RYR2: variants seen among roughly 807,000 people sequenced by gnomAD.
RYR2 encodes the protein ryanodine receptor 2.
RYR2 carries 227 observed loss-of-function variants against 601.1 expected under a neutral mutation model. The ratio of observed to expected loss-of-function variants is 0.38; its 90% CI spans 0.34 to 0.42. RYR2 has a LOEUF of 0.42. Among genes scored for constraint, RYR2 ranks in the 10% least tolerant of loss-of-function variants. The pLI is 1.00. For missense variants in RYR2, 4,646 were observed against 6,156.5 expected, an observed-to-expected ratio of 0.75 and a Z score of 8.21; for synonymous variants, 2,223 against 2,175.1, an observed-to-expected ratio of 1.02 and a Z score of -0.61.
rs771865164 is a variant in RYR2 at position 237,524,336 on chromosome 1, A to G, written c.2823-6091A>G. On this transcript the variant is annotated intron_variant, in intron 24 of 104. Coordinates refer to ENST00000366574, the MANE Select transcript of RYR2 (RefSeq NM_001035.3). The stretch of plus-strand genomic sequence containing the variant: ...CTCCATATTGTGTAATTCTATTCCT[A>G]TGAAATGCCCAAAACAGGCATATTG... Among the ~76,000 whole-genome samples the G allele has an allele frequency of 7.9e-5, 12 of 152,226 alleles. 1 individual carries two copies. The highest frequency in any genetic ancestry group is 1.5e-4 in the Non-Finnish European group (10 of 68,042).
intron 10 of RYR2, among the ~76,000 whole-genome samples, chr1:237,401,155 G>T (rs1310024847): frequency 6.6e-6 from 1 of 152,128 alleles, no homozygotes; most frequent in Non-Finnish European, 1.5e-5. Context: ...CCTTTAGGGA[G>T]AAAATTACAT....
chr1:237,788,891 T>A (rs1657986750), intron 92 of RYR2, among the ~76,000 whole-genome samples: 1 of 152,086 alleles, frequency 6.6e-6, no homozygotes, highest in African/African-American at 2.4e-5. Context: ...GCATGTGTAA[T>A]GTCACATGTA....
chr1:237,600,244 A>G (rs1482312197), intron 34 of RYR2, among the ~76,000 whole-genome samples: 1 of 152,174 alleles, frequency 6.6e-6, no homozygotes, highest in Non-Finnish European at 1.5e-5. Flanking sequence ...TATGGTAACC[A>G]AAACAGACAT....
chr1:237,169,652 A>G (rs1340218271), intron 1 of RYR2, among the ~76,000 whole-genome samples: 1 of 152,174 alleles, frequency 6.6e-6, no homozygotes, highest in Admixed American at 6.5e-5. Context: ...TAAAATAAAT[A>G]CGGCTGAAAT....
chr1:237,779,485 T>C (rs1694927141), intron 88 of RYR2, among the ~76,000 whole-genome samples: 1 of 152,156 alleles, frequency 6.6e-6, no homozygotes, highest in African/African-American at 2.4e-5. Flanking sequence ...GGCGGTCAGG[T>C]AGAAGAATGT....
At position 237,258,745 on chromosome 1, in the gene RYR2, A is replaced by C. The variant is rs57225074; in HGVS notation, c.49-11752A>C. The stretch of plus-strand genomic sequence containing the variant: ...TGAGGACAGCCCTGAGTGAGACTGA[A>C]TCAGTTGGTTGACAACAGACTGTGA... On this transcript the variant is annotated intron_variant, in intron 1 of 104. Coordinates refer to ENST00000366574, the MANE Select transcript of RYR2 (RefSeq NM_001035.3). 2.0e-3 allele frequency among the ~76,000 whole-genome samples: 300 copies of C among 152,324 alleles called. 7 individuals carry two copies. In the East Asian group the frequency reaches 0.048, roughly 24 times the overall value.
intron 4 of RYR2, among the ~76,000 whole-genome samples, chr1:237,359,782 C>G (rs1028280337): frequency 1.3e-5 from 2 of 152,172 alleles, no homozygotes; most frequent in Non-Finnish European, 2.9e-5. Flanking sequence ...GCTCTTTACA[C>G]TTTAAAAGAG....
At chr1:237,143,703 T>C (rs1673642095) in intron 1 of RYR2, among the ~76,000 whole-genome samples, 1 of 152,164 alleles carries the variant, frequency 6.6e-6, no homozygotes, top group African/African-American at 2.4e-5. Context: ...TGCACTGGAC[T>C]CTTCCTTTTA....
intron 84 of RYR2, among the ~76,000 whole-genome samples, chr1:237,766,581 G>C (rs1693863409): frequency 1.3e-5 from 2 of 152,150 alleles, no homozygotes. Flanking sequence ...GTGTGAGATA[G>C]GTATCAGAGT....
chr1:237,148,553 T>TATATATATATATATACACACACAC (rs71178397), intron 1 of RYR2, among the ~76,000 whole-genome samples: 1 of 105,702 alleles, frequency 9.5e-6, no homozygotes, highest in African/African-American at 4.0e-5. Context: ...TATATATATA[T>TATATATATATATATACACACACAC]ACACACACAC....
chr1:237,438,844 C>T (rs1323247443), intron 12 of RYR2, among the ~76,000 whole-genome samples: 1 of 152,232 alleles, frequency 6.6e-6, no homozygotes, highest in African/African-American at 2.4e-5. Flanking sequence ...CAATTTCTTC[C>T]TGCTTTTGGT....
At chr1:237,696,691 T>A in intron 63 of RYR2, among the ~76,000 whole-genome samples, 1 of 151,100 alleles carries the variant, frequency 6.6e-6, no homozygotes, top group South Asian at 2.1e-4. Flanking sequence ...TTCTTCTCGT[T>A]CTCTTTCTAC....
At chr1:237,731,424 G>A (rs560019078) in intron 77 of RYR2, among the ~76,000 whole-genome samples, 5 of 152,118 alleles carry the variant, frequency 3.3e-5, no homozygotes, top group Non-Finnish European at 7.4e-5. Context: ...AGTGGTTCAA[G>A]CATTAACTCA....
At chr1:237,268,055 C>T (rs989304965) in intron 1 of RYR2, among the ~76,000 whole-genome samples, 3 of 152,220 alleles carry the variant, frequency 2.0e-5, no homozygotes, top group African/African-American at 7.2e-5. Flanking sequence ...CCGGGGCTTA[C>T]TGAGTAAGCT....
Position 237,523,610 on chromosome 1 carries a change from G to A in RYR2, c.2823-6817G>A, listed in dbSNP as rs1259094872. Among the ~76,000 whole-genome samples the A allele has an allele frequency of 3.9e-5, 6 of 152,052 alleles. No homozygotes were observed. In the East Asian group the frequency reaches 5.8e-4, roughly 15 times the overall value. On this transcript the variant is annotated intron_variant, in intron 24 of 104. Transcript: ENST00000366574. ...AAAGTAGCTGCACGTGGTGGCAGGC[G>A]CCTGTAATCCCAGCTACTAGGGAGA...
rs528357620 is a variant in RYR2, at chr1:237,437,037, A to T, written c.1006-4282A>T. On this transcript the variant is annotated intron_variant, in intron 12 of 104. Transcript: ENST00000366574. Reference sequence around the variant, plus strand: ...ACATCTGGGTCTATTTTATTTATTTATTTTTTATTTTTATTTTATTTTTTT... The same window carrying T: ...ACATCTGGGTCTATTTTATTTATTTTTTTTTTATTTTTATTTTATTTTTTT... 7.3e-5 allele frequency among the ~76,000 whole-genome samples: 11 copies of T among 150,442 alleles called. No homozygotes were observed. In the South Asian group the frequency reaches 1.5e-3, roughly 20 times the overall value.
chr1:237,374,806 T>G lies in RYR2; in HGVS notation c.463+11T>G. 6.2e-7 allele frequency: 1 copy of G among 1,608,076 alleles called. No individual in the cohort carries two copies. The highest frequency in any genetic ancestry group is 8.5e-7 in the Non-Finnish European group (1 of 1,176,730). On this transcript the variant is annotated intron_variant, in intron 7 of 104. Transcript: ENST00000366574. ...AAGAGGACACCACAGGTAAGCATCT[T>G]GTGCTGCGGGAAGCCAGGTTCAGAG...
chr1:237,788,740 C>G (rs1657963188), intron 92 of RYR2, among the ~76,000 whole-genome samples: 1 of 152,068 alleles, frequency 6.6e-6, no homozygotes, highest in African/African-American at 2.4e-5. Flanking sequence ...ATATACTGTC[C>G]TGTACATTTT....
intron 11 of RYR2, among the ~76,000 whole-genome samples, chr1:237,417,809 T>C: frequency 6.6e-6 from 1 of 152,206 alleles, no homozygotes; most frequent in East Asian, 1.9e-4. Flanking sequence ...CATTTTGAAC[T>C]ATTTTAAGTA....
Sources: allele counts gnomAD v4.1 joint callset (sites outside exome capture counted in the v4.1 genomes callset), GRCh38; gene constraint gnomAD v4.1.1; transcripts MANE v1.5; gene names NCBI Gene and HGNC (gene_info 2026-07-23, HGNC 2026-07-21).